The following CELF2 variants were observed in gnomAD, a reference collection of about 807,000 sequenced individuals.
CELF2 encodes the protein CUG triplet repeat RNA-binding protein 2.
CELF2 carries 8 observed loss-of-function variants against 62.6 expected under a neutral mutation model. The ratio of observed to expected loss-of-function variants is 0.13; its 90% CI spans 0.07 to 0.23. The LOEUF (loss-of-function observed/expected upper bound fraction) is 0.23. Among genes scored for constraint, CELF2 ranks in the 10% least tolerant of loss-of-function variants. The pLI, the probability that CELF2 is intolerant of heterozygous loss-of-function variation, is 1.00. For synonymous variants in CELF2, 258 were observed against 250.0 expected, an observed-to-expected ratio of 1.03 and a Z score of -0.30; for missense variants, 333 against 671.0, an observed-to-expected ratio of 0.50 and a Z score of 5.56.
At chr10:11,062,160 A>G (rs537677581) in intron 1 of CELF2, among the ~76,000 whole-genome samples, 5 of 152,330 alleles carry the variant, frequency 3.3e-5, no homozygotes, top group East Asian at 3.9e-4. Context: ...GGGGGAAAAA[A>G]AAATTCCTTT....
intron 2 of CELF2, among the ~76,000 whole-genome samples, chr10:11,174,601 G>A (rs1414354290): frequency 6.6e-6 from 1 of 152,168 alleles, no homozygotes; most frequent in African/African-American, 2.4e-5. Context: ...AAGAATTAAA[G>A]GGCTGAGAGA....
the CELF2 span, among the ~76,000 whole-genome samples, chr10:10,676,210 G>A: frequency 1.3e-5 from 2 of 152,148 alleles, no homozygotes. Context: ...TTCCTTAGGT[G>A]AGACAGGATG....
At chr10:10,717,680 T>C in the CELF2 span, among the ~76,000 whole-genome samples, 1 of 152,180 alleles carries the variant, frequency 6.6e-6, no homozygotes, top group African/African-American at 2.4e-5. Context: ...TTGTATGTGG[T>C]AATTTAAATG....
chr10:11,161,865 C>T (rs2065799243), intron 1 of CELF2, among the ~76,000 whole-genome samples: 1 of 152,114 alleles, frequency 6.6e-6, no homozygotes, highest in Non-Finnish European at 1.5e-5. Context: ...ATTGGCTGTC[C>T]TTAGTTTCTA....
chr10:11,092,548 GT>G (rs2048611527), intron 1 of CELF2, among the ~76,000 whole-genome samples: 1 of 152,206 alleles, frequency 6.6e-6, no homozygotes, highest in African/African-American at 2.4e-5. Context: ...GGAGAACTGT[GT>G]TTTTAACAGT....
chr10:10,496,234 A>G, the CELF2 span, among the ~76,000 whole-genome samples: 1 of 152,246 alleles, frequency 6.6e-6, no homozygotes, highest in Admixed American at 6.5e-5. Flanking sequence ...CTTTCCTTCT[A>G]TGACAAGTTA....
the CELF2 span, among the ~76,000 whole-genome samples, chr10:10,644,756 C>T: frequency 6.6e-6 from 1 of 152,238 alleles, no homozygotes; most frequent in Admixed American, 6.5e-5. Flanking sequence ...GTATCTCCCC[C>T]CACGTCCTGG....
At chr10:11,228,315 A>T (rs886879331) in intron 3 of CELF2, among the ~76,000 whole-genome samples, 2 of 152,248 alleles carry the variant, frequency 1.3e-5, no homozygotes, top group Admixed American at 6.5e-5. Context: ...AGAACTTTAT[A>T]TATACTTGAT....
Position 11,084,091 on chromosome 10 carries a change from A to G in CELF2, c.74+65928A>G, listed in dbSNP as rs184855507. Reference sequence around the variant, plus strand: ...TGAGCAAGTAATGTTTTGGCAAGGAAAGGAAACTGTCGCTTGGAAGATTCA... The same window carrying G: ...TGAGCAAGTAATGTTTTGGCAAGGAGAGGAAACTGTCGCTTGGAAGATTCA... On this transcript the variant is annotated intron_variant, in intron 1 of 12. Coordinates refer to ENST00000633077, the MANE Select transcript of CELF2 (RefSeq NM_001326342.2). Among the ~76,000 whole-genome samples the G allele has an allele frequency of 1.1e-4, 17 of 152,338 alleles. No individual in the cohort carries two copies. In the East Asian group the frequency reaches 3.3e-3, roughly 29 times the overall value.
intron 9 of CELF2, among the ~76,000 whole-genome samples, chr10:11,301,066 G>A (rs552526291): frequency 2.8e-4 from 43 of 152,302 alleles, no homozygotes; most frequent in Middle Eastern, 6.8e-3. Flanking sequence ...TTCTGGGACA[G>A]ACTTAACGCT....
At chr10:10,506,332 C>T in the CELF2 span, among the ~76,000 whole-genome samples, 2 of 150,054 alleles carry the variant, frequency 1.3e-5, no homozygotes, top group Admixed American at 6.7e-5. Flanking sequence ...AGGTATGTGC[C>T]GATAAATTAT....
chr10:10,858,937 C>T (rs2059906155), intron 1 of CELF2, among the ~76,000 whole-genome samples: 1 of 152,146 alleles, frequency 6.6e-6, no homozygotes, highest in Admixed American at 6.5e-5. Context: ...AACACTAGGA[C>T]AGTGTGGTCT....
chr10:11,194,151 C>T (rs1425113421), intron 2 of CELF2, among the ~76,000 whole-genome samples: 1 of 152,090 alleles, frequency 6.6e-6, no homozygotes, highest in East Asian at 1.9e-4. Flanking sequence ...CTGCAACCTC[C>T]ACCTCCCAGG....
chr10:10,597,802 C>A, the CELF2 span, among the ~76,000 whole-genome samples: 2 of 152,180 alleles, frequency 1.3e-5, no homozygotes, highest in Non-Finnish European at 2.9e-5. Flanking sequence ...TCTAATGACC[C>A]TAACACTTGA....
At position 10,934,038 on chromosome 10, in the gene CELF2, A is replaced by G. The variant is rs978691017; in HGVS notation, c.89+14039A>G. Among the ~76,000 whole-genome samples, 5 of 152,190 alleles carry G rather than the reference A, an allele frequency of 3.3e-5. No homozygotes were observed. The highest frequency in any genetic ancestry group is 9.7e-5 in the African/African-American group (4 of 41,450). ...CTCCATACTGATTTCCGTAATGGCT[A>G]TGCTAATGTACATTCCCACAAACAG... On this transcript the variant is annotated intron_variant, in intron 2 of 13. Coordinates refer to the CELF2 transcript ENST00000636488. This position sits in a 1 kb window ranked among gnomAD's most constrained non-coding sequence, Gnocchi z 4.4.
the CELF2 span, among the ~76,000 whole-genome samples, chr10:10,704,331 C>T: frequency 2.6e-5 from 4 of 151,916 alleles, no homozygotes; most frequent in African/African-American, 9.7e-5. Context: ...GTTTGCATAC[C>T]CACTCATCTG....
intron 4 of CELF2, among the ~76,000 whole-genome samples, chr10:11,252,901 C>T (rs1260909693): frequency 1.3e-5 from 2 of 152,114 alleles, no homozygotes; most frequent in Non-Finnish European, 2.9e-5. Flanking sequence ...AGACAAATGG[C>T]GGGACAGGCA....
intron 1 of CELF2, among the ~76,000 whole-genome samples, chr10:10,833,842 G>A (rs2058065806): frequency 6.6e-6 from 1 of 152,210 alleles, no homozygotes; most frequent in South Asian, 2.1e-4. Flanking sequence ...AGAGAAAAGG[G>A]AATGTCCATA....
At chr10:11,111,789 A>G (rs2055241930) in intron 1 of CELF2, among the ~76,000 whole-genome samples, 3 of 152,270 alleles carry the variant, frequency 2.0e-5, no homozygotes, top group Admixed American at 6.5e-5. Flanking sequence ...GTGTTTCCAC[A>G]GGCAATTTAA....
Sources: gnomAD v4.1 joint callset for allele counts (sites outside exome capture counted in the v4.1 genomes callset) on GRCh38, gnomAD v4.1.1 for gene constraint, Gnocchi (gnomAD v3.1) non-coding constraint, MANE v1.5 for transcripts, NCBI Gene and HGNC (gene_info 2026-07-23, HGNC 2026-07-21) for gene names.